The following SATB2 variants were observed in gnomAD, a reference collection of about 807,000 sequenced individuals.
SATB2 encodes DNA-binding protein SATB2.
Under a neutral mutation model 73.4 loss-of-function variants are expected in SATB2, and 1 was observed. The ratio of observed to expected loss-of-function variants is 0.01; its 90% CI spans 0.00 to 0.06. SATB2 has a LOEUF of 0.06. SATB2 is among the 10% of genes least tolerant of loss of function. The probability of loss-of-function intolerance (pLI) is 1.00; values close to 1 mark genes in which losing one functional copy is unlikely to be tolerated. For missense variants in SATB2, 459 were observed against 945.8 expected (o/e 0.49, Z 6.75); for synonymous variants, 397 against 367.0 (o/e 1.08, Z -0.93).
intron 3 of SATB2, chr2:199,396,108 C>T (rs1325907157): frequency 6.6e-6 from 1 of 152,184 alleles, no homozygotes; most frequent in Non-Finnish European, 1.5e-5. Flanking sequence ...GCTGACTTTA[C>T]TTTGTATAAG....
intron 5 of SATB2, among the ~76,000 whole-genome samples, chr2:199,375,962 G>T (rs1481078999): frequency 1.3e-5 from 2 of 152,088 alleles, no homozygotes; most frequent in African/African-American, 4.8e-5. Context: ...CTTTATACAG[G>T]CTGAACTATA....
chr2:199,402,682 G>A (rs770205821), intron 3 of SATB2, among the ~76,000 whole-genome samples: 3 of 152,220 alleles, frequency 2.0e-5, no homozygotes, highest in Non-Finnish European at 4.4e-5. Context: ...CCTAAGCAGA[G>A]TGGTAGGTAC....
chr2:199,418,699 C>T (rs1212515096), intron 3 of SATB2, among the ~76,000 whole-genome samples: 3 of 152,020 alleles, frequency 2.0e-5, no homozygotes, highest in Admixed American at 6.6e-5. Flanking sequence ...TTTTGTTACA[C>T]GTAATAGAAA....
upstream of SATB2, chr2:199,459,552 C>G (rs1347628230): frequency 6.6e-6 from 1 of 151,868 alleles, no homozygotes; most frequent in Non-Finnish European, 1.5e-5. This position sits in a 1 kb window ranked among gnomAD's most constrained non-coding sequence, Gnocchi z 4.2. Context: ...GTGGACGCAT[C>G]CCCGCCGGCC....
At chr2:199,459,981 CG>C (rs1459217178), upstream of SATB2, 1 of 152,340 alleles carries the variant, frequency 6.6e-6, no homozygotes, top group Non-Finnish European at 1.5e-5. This position sits in a 1 kb window ranked among gnomAD's most constrained non-coding sequence, Gnocchi z 4.2. Context: ...CCACGAACCC[CG>C]CACCTAGGCG....
At chr2:199,411,016 T>C (rs1034694899) in intron 3 of SATB2, among the ~76,000 whole-genome samples, 1 of 152,164 alleles carries the variant, frequency 6.6e-6, no homozygotes, top group African/African-American at 2.4e-5. Flanking sequence ...CAAGTAGTAA[T>C]TGCTAATACA....
intron 3 of SATB2, among the ~76,000 whole-genome samples, chr2:199,415,826 C>T (rs533054791): frequency 5.9e-5 from 9 of 152,318 alleles, no homozygotes; most frequent in Middle Eastern, 3.4e-3. Context: ...TCTTTCCTGG[C>T]ATGATGCTCC....
At chr2:199,301,010 A>C (rs1002110367) in intron 10 of SATB2, among the ~76,000 whole-genome samples, 5 of 152,114 alleles carry the variant, frequency 3.3e-5, no homozygotes, top group African/African-American at 1.2e-4. Context: ...AGCTAACTTC[A>C]GTAATTAAAA....
chr2:199,348,705 G>T lies in SATB2; in HGVS notation c.1169C>A (p.Thr390Lys). ...AGTGTTTAATGCTAATTGTACCTGTGTGCGGTTGAATGCCACTCTTGCAAA... is the reference window on the plus strand; with the variant it reads ...AGTGTTTAATGCTAATTGTACCTGTTTGCGGTTGAATGCCACTCTTGCAAA... ...AVFARVAFNRTQGLLSEILRK... is the reference protein window; with the variant it reads ...AVFARVAFNRKQGLLSEILRK... Residue 390 changes from threonine to lysine, a missense_variant, in exon 7 of 11, where the codon ACA becomes AAA. Physicochemically the swap from Thr to Lys is moderately conservative, Grantham distance 78 (BLOSUM62 -1). Coordinates refer to ENST00000417098, the MANE Select transcript of SATB2 (RefSeq NM_001172509.2). 1 of 1,573,730 alleles carries T rather than the reference G, an allele frequency of 6.4e-7. No homozygotes were observed. The highest frequency in any genetic ancestry group is 8.6e-7 in the Non-Finnish European group (1 of 1,159,576).
rs72202602 is a variant in SATB2 at position 199,355,348 on chromosome 2, CTATATATA to C, written c.701-6183_701-6176del. ...TATGTGTGTGTGTGTGTGTGTGTAT[CTATATATA>C]TATATATATATATATATATAGTCTT... On this transcript the variant is annotated intron_variant, in intron 6 of 10. Coordinates refer to ENST00000417098, the MANE Select transcript of SATB2 (RefSeq NM_001172509.2). Among the ~76,000 whole-genome samples, 543 of 134,164 alleles carry C rather than the reference CTATATATA, an allele frequency of 4.0e-3. 22 individuals carry two copies. The highest frequency in any genetic ancestry group is 0.01 in the East Asian group (42 of 4,050). The allele number at this position is 134,164 out of a possible 152,430, so 88.0% of individuals were successfully genotyped here.
intron 4 of SATB2, 98 bp from the exon 5 acceptor site, chr2:199,380,585 G>T: frequency 6.9e-7 from 1 of 1,458,194 alleles, no homozygotes; most frequent in Non-Finnish European, 9.5e-7. Context: ...TCTTGTGGGA[G>T]CTTCAGAAGA....
chr2:199,408,102 T>TA (rs946841807), intron 3 of SATB2, among the ~76,000 whole-genome samples: 1 of 152,104 alleles, frequency 6.6e-6, no homozygotes, highest in Non-Finnish European at 1.5e-5. Flanking sequence ...ATCTTAAAAT[T>TA]AATAGCCTGA....
At chr2:199,341,821 C>G (rs890331068) in intron 7 of SATB2, among the ~76,000 whole-genome samples, 1 of 152,152 alleles carries the variant, frequency 6.6e-6, no homozygotes, top group Non-Finnish European at 1.5e-5. Context: ...AAACGCAGAT[C>G]CTCAGATAGA....
intron 10 of SATB2, among the ~76,000 whole-genome samples, chr2:199,306,762 C>T (rs578073741): frequency 3.3e-5 from 5 of 152,044 alleles, no homozygotes; most frequent in South Asian, 2.1e-4. Context: ...CAGGGCCCAA[C>T]GAGATGATAA....
chr2:199,372,329 T>A (rs1689473755), intron 5 of SATB2, among the ~76,000 whole-genome samples: 1 of 152,198 alleles, frequency 6.6e-6, no homozygotes, highest in Admixed American at 6.5e-5. Context: ...CAAAGTTTAC[T>A]AGCAGACTTG....
At chr2:199,357,653 T>C (rs1689025693) in intron 6 of SATB2, among the ~76,000 whole-genome samples, 1 of 152,190 alleles carries the variant, frequency 6.6e-6, no homozygotes, top group South Asian at 2.1e-4. Flanking sequence ...TAGCAATTCA[T>C]TCCAGTCATC....
At chr2:199,460,539 A>G (rs1298818410), upstream of SATB2, 1 of 152,384 alleles carries the variant, frequency 6.6e-6, no homozygotes, top group Non-Finnish European at 1.5e-5. The surrounding 1 kb of genome is among the most constrained non-coding windows in gnomAD (Gnocchi z 4.0). Context: ...ACTTCTGGAA[A>G]AAAATGCAAA....
At chr2:199,446,412 A>C (rs906001458) in intron 2 of SATB2, among the ~76,000 whole-genome samples, 6 of 152,264 alleles carry the variant, frequency 3.9e-5, no homozygotes, top group Non-Finnish European at 5.9e-5. Flanking sequence ...AACTAAAGAA[A>C]CCCTTTTAAA....
chr2:199,332,013 GT>G, intron 7 of SATB2, among the ~76,000 whole-genome samples: 1 of 152,106 alleles, frequency 6.6e-6, no homozygotes, highest in Non-Finnish European at 1.5e-5. Context: ...TACAGAAAAT[GT>G]GGCGCGGCAC....
Sources: gnomAD v4.1 joint callset for allele counts (sites outside exome capture counted in the v4.1 genomes callset) on GRCh38, gnomAD v4.1.1 for gene constraint, Gnocchi (gnomAD v3.1) non-coding constraint, MANE v1.5 for transcripts, NCBI Gene and HGNC (gene_info 2026-07-23, HGNC 2026-07-21) for gene names.